NRXN3: variants seen among roughly 807,000 people sequenced by gnomAD.
The protein encoded by NRXN3 is neurexin 3, also known as neurexin III.
A neutral mutation model predicts 137.6 loss-of-function variants in NRXN3; 32 were observed. The ratio of observed to expected loss-of-function variants is 0.23; its 90% CI spans 0.18 to 0.31. The LOEUF is 0.31. Ranked by LOEUF, NRXN3 falls within the 10% of genes least tolerant of loss-of-function variation. NRXN3 has a pLI of 1.00. For missense variants in NRXN3, 1,574 were observed against 2,062.5 expected (o/e 0.76, Z 4.59); for synonymous variants, 798 against 784.5 (o/e 1.02, Z -0.29).
chr14:78,335,019 C>T (rs569651374), intron 4 of NRXN3, among the ~76,000 whole-genome samples: 1 of 152,140 alleles, frequency 6.6e-6, no homozygotes, highest in Non-Finnish European at 1.5e-5. Flanking sequence ...GGATACCCCT[C>T]ACTTCATAAA....
chr14:78,737,560 A>G (rs1338598787), intron 8 of NRXN3, among the ~76,000 whole-genome samples: 1 of 152,072 alleles, frequency 6.6e-6, no homozygotes, highest in African/African-American at 2.4e-5. Context: ...CTGCTGCCCA[A>G]CACACTCTCA....
chr14:79,819,592 C>A (rs1188476709), intron 20 of NRXN3, among the ~76,000 whole-genome samples: 1 of 142,656 alleles, frequency 7.0e-6, no homozygotes. Flanking sequence ...TCAGGCAATT[C>A]TCCTGCCTCA....
intron 8 of NRXN3, among the ~76,000 whole-genome samples, chr14:78,752,108 A>G (rs903373905): frequency 2.0e-5 from 3 of 152,218 alleles, no homozygotes; most frequent in Non-Finnish European, 4.4e-5. Context: ...TTTGCCTTTT[A>G]AAAGAGCATT....
intron 6 of NRXN3, among the ~76,000 whole-genome samples, chr14:78,693,766 T>C (rs74066337): frequency 7.0e-4 from 106 of 150,496 alleles, no homozygotes; most frequent in African/African-American, 2.5e-3. Context: ...TAATCTTTTA[T>C]ATAATACCAA....
At chr14:79,675,489 C>T (rs541490049) in intron 17 of NRXN3, among the ~76,000 whole-genome samples, 20 of 152,108 alleles carry the variant, frequency 1.3e-4, no homozygotes, top group Admixed American at 2.0e-4. Flanking sequence ...ATTTAAATCA[C>T]GGATAGTTGG....
Position 78,550,497 on chromosome 14 carries a change from TATG to T in NRXN3, c.758-94620_758-94618del, listed in dbSNP as rs562490811. Among the ~76,000 whole-genome samples the T allele has an allele frequency of 4.0e-5, 6 of 151,254 alleles. No homozygotes were observed. The South Asian group carries it at 1.1e-3, about 27-fold the overall frequency. On this transcript the variant is annotated intron_variant, in intron 4 of 20. Transcript: ENST00000335750. ...AGTAAAGTTCAAATGACAACTTTTT[TATG>T]ATAATTGTGTTTTAAAAGAAAATCT...
intron 6 of NRXN3, among the ~76,000 whole-genome samples, chr14:78,660,715 A>T (rs2097832430): frequency 6.6e-6 from 1 of 152,214 alleles, no homozygotes; most frequent in Non-Finnish European, 1.5e-5. Context: ...AACAGTTTTC[A>T]AATTAGACTA....
chr14:79,351,833 G>A (rs1258965653), intron 15 of NRXN3, among the ~76,000 whole-genome samples: 1 of 152,048 alleles, frequency 6.6e-6, no homozygotes, highest in African/African-American at 2.4e-5. Flanking sequence ...TATTCTAAAG[G>A]CATTGGTGTC....
intron 4 of NRXN3, among the ~76,000 whole-genome samples, chr14:78,637,087 A>G (rs753619858): frequency 3.9e-5 from 6 of 152,138 alleles, no homozygotes; most frequent in Non-Finnish European, 8.8e-5. Context: ...CAATACAAGT[A>G]TAATTGTGCC....
At chr14:78,540,144 T>A (rs2096574802) in intron 4 of NRXN3, among the ~76,000 whole-genome samples, 1 of 152,214 alleles carries the variant, frequency 6.6e-6, no homozygotes. Context: ...AGAGCTGAGT[T>A]CAAGTCCTGG....
chr14:79,188,492 C>T (rs2063806514), intron 15 of NRXN3, among the ~76,000 whole-genome samples: 1 of 152,014 alleles, frequency 6.6e-6, no homozygotes, highest in South Asian at 2.1e-4. Context: ...CACAGAGCAA[C>T]CATGCACATG....
intron 15 of NRXN3, among the ~76,000 whole-genome samples, chr14:79,391,972 A>G (rs535995363): frequency 6.6e-6 from 1 of 152,224 alleles, no homozygotes; most frequent in Admixed American, 6.5e-5. Flanking sequence ...CTCAGCAGCT[A>G]ATCTTTTTTT....
chr14:78,444,015 G>A (rs2094338544), intron 4 of NRXN3, among the ~76,000 whole-genome samples: 1 of 152,172 alleles, frequency 6.6e-6, no homozygotes, highest in South Asian at 2.1e-4. Context: ...TAGTAATGAT[G>A]CCCTTTTTGC....
chr14:78,741,235 G>T (rs924231770), intron 8 of NRXN3, among the ~76,000 whole-genome samples: 7 of 152,124 alleles, frequency 4.6e-5, no homozygotes, highest in African/African-American at 1.7e-4. Context: ...CATGCTGAAG[G>T]CTCCTAGAGT....
chr14:79,004,276 T>TA (rs1055261160), intron 15 of NRXN3, among the ~76,000 whole-genome samples: 67 of 152,288 alleles, frequency 4.4e-4, no homozygotes, highest in Middle Eastern at 6.8e-3. Context: ...TCTTTTTTTT[T>TA]AGACTGTATC....
intron 19 of NRXN3, among the ~76,000 whole-genome samples, chr14:79,727,331 G>A (rs931014086): frequency 9.2e-5 from 14 of 152,098 alleles, no homozygotes; most frequent in Admixed American, 8.5e-4. Context: ...GGGAATATTC[G>A]ATAGGTATAG....
chr14:78,713,008 G>A (rs1421742917), intron 7 of NRXN3, among the ~76,000 whole-genome samples: 1 of 152,166 alleles, frequency 6.6e-6, no homozygotes, highest in Non-Finnish European at 1.5e-5. Flanking sequence ...CATTTATCTT[G>A]ATACCAATAA....
intron 1 of NRXN3, among the ~76,000 whole-genome samples, chr14:78,201,644 C>A (rs946713084): frequency 6.6e-6 from 1 of 152,170 alleles, no homozygotes; most frequent in Admixed American, 6.5e-5. Flanking sequence ...AGAACACGCA[C>A]AAATCTGCTG....
intron 19 of NRXN3, among the ~76,000 whole-genome samples, chr14:79,771,935 A>G (rs1397714045): frequency 7.6e-6 from 1 of 132,152 alleles, no homozygotes; most frequent in African/African-American, 2.9e-5. Context: ...AAGTCTCAGG[A>G]TACAAAATCA....
Sources: allele counts gnomAD v4.1 joint callset (sites outside exome capture counted in the v4.1 genomes callset), GRCh38; gene constraint gnomAD v4.1.1; transcripts MANE v1.5; gene names NCBI Gene and HGNC (gene_info 2026-07-23, HGNC 2026-07-21).